The following ARHGEF6 variants were observed in gnomAD, a reference collection of about 807,000 sequenced individuals.
ARHGEF6 encodes the protein rho guanine nucleotide exchange factor 6.
A neutral mutation model predicts 70.3 loss-of-function variants in ARHGEF6; 9 were observed. The observed-to-expected ratio is 0.13, with a 90% CI of 0.08 to 0.22. The LOEUF is 0.22. ARHGEF6 is among the 10% of genes least tolerant of loss of function. The probability of loss-of-function intolerance (pLI) is 1.00; values close to 1 mark genes in which losing one functional copy is unlikely to be tolerated. For synonymous variants in ARHGEF6, 201 were observed against 207.8 expected (o/e 0.97, Z 0.28); for missense variants, 470 against 563.0 (o/e 0.83, Z 1.67).
At chrX:136,671,810 G>A (rs1050515047) in intron 20 of ARHGEF6, among the ~76,000 whole-genome samples, 1 of 112,011 alleles carries the variant, frequency 8.9e-6, no homozygotes, top group Non-Finnish European at 1.9e-5. Flanking sequence ...TGCCTTGGAG[G>A]GCTCTGTCAC....
At chrX:136,708,814 GT>G (rs751674235) in intron 7 of ARHGEF6, 44 bp from the exon 8 acceptor site, 8 of 998,633 alleles carry the variant, frequency 8.0e-6, no homozygotes, top group Non-Finnish European at 7.1e-6. Flanking sequence ...TTGTAGTCTA[GT>G]TGGCTAATAG....
chrX:136,776,054 T>C (rs2077401821), intron 2 of ARHGEF6, among the ~76,000 whole-genome samples: 1 of 111,522 alleles, frequency 9.0e-6, no homozygotes, highest in Non-Finnish European at 1.9e-5. Context: ...CACAAACAAA[T>C]GGAAACACAT....
intron 7 of ARHGEF6, among the ~76,000 whole-genome samples, chrX:136,709,399 G>A (rs2076660969): frequency 8.9e-6 from 1 of 112,281 alleles, no homozygotes; most frequent in Non-Finnish European, 1.9e-5. Flanking sequence ...AATAACAAGA[G>A]TCAACACTCA....
intron 2 of ARHGEF6, among the ~76,000 whole-genome samples, chrX:136,750,345 C>A (rs1347460409): frequency 8.9e-6 from 1 of 112,406 alleles, no homozygotes; most frequent in Non-Finnish European, 1.9e-5. Flanking sequence ...AAGTCATTTT[C>A]AATGAAATTT....
intron 11 of ARHGEF6, among the ~76,000 whole-genome samples, chrX:136,686,592 G>GTA (rs1426495423): frequency 0.024 from 1,403 of 59,574 alleles, 49 homozygotes; most frequent in African/African-American, 0.083. Context: ...GTGTATGTGT[G>GTA]TGTATATATA....
intron 6 of ARHGEF6, among the ~76,000 whole-genome samples, chrX:136,728,813 C>A (rs1218760031): frequency 9.2e-6 from 1 of 109,187 alleles, no homozygotes; most frequent in Non-Finnish European, 1.9e-5. Flanking sequence ...TCTCTGTCTG[C>A]GTATTTGAGC....
At chrX:136,693,638 T>C (rs1190485638) in intron 9 of ARHGEF6, among the ~76,000 whole-genome samples, 1 of 112,172 alleles carries the variant, frequency 8.9e-6, no homozygotes, top group African/African-American at 3.2e-5. Context: ...AACATACATT[T>C]ATTTCATAGA....
chrX:136,748,209 C>A (rs1165404689), intron 2 of ARHGEF6, among the ~76,000 whole-genome samples: 1 of 111,964 alleles, frequency 8.9e-6, no homozygotes, highest in East Asian at 2.8e-4. Context: ...TGCTGTTTGA[C>A]CTTGCCCCTC....
At chrX:136,770,379 A>G (rs749709995) in intron 2 of ARHGEF6, among the ~76,000 whole-genome samples, 25 of 112,481 alleles carry the variant, frequency 2.2e-4, no homozygotes, top group African/African-American at 7.1e-4. Context: ...AAAACAAAAC[A>G]AAACACTTAT....
chrX:136,676,186 T>A (rs2076280483), intron 18 of ARHGEF6, among the ~76,000 whole-genome samples: 1 of 112,205 alleles, frequency 8.9e-6, no homozygotes, highest in African/African-American at 3.2e-5. Context: ...AAACTATGTT[T>A]CTAGATGTGG....
At chrX:136,692,385 C>G (rs1231001078) in intron 9 of ARHGEF6, among the ~76,000 whole-genome samples, 3 of 111,538 alleles carry the variant, frequency 2.7e-5, no homozygotes. Context: ...AACCACCGCA[C>G]CCAGCCTGCT....
At chrX:136,771,325 T>C (rs1207553740) in intron 2 of ARHGEF6, among the ~76,000 whole-genome samples, 4 of 112,498 alleles carry the variant, frequency 3.6e-5, no homozygotes, top group Non-Finnish European at 7.5e-5. Flanking sequence ...GCTGGCCTTT[T>C]TTGTAGAAAT....
intron 18 of ARHGEF6, 102 bp from the exon 19 acceptor site, chrX:136,675,198 T>C: frequency 5.6e-6 from 4 of 717,208 alleles, no homozygotes; most frequent in Admixed American, 2.6e-5. Flanking sequence ...CTCTGACCAG[T>C]AGAGTTTGTG....
At position 136,685,726 on chromosome X, in the gene ARHGEF6, C is replaced by T. The variant is rs1197265475; in HGVS notation, c.1343G>A (p.Gly448Glu). ...AWEGEDIKNL[G>E]NVIFMSQVMV... is the part of the protein sequence containing the mutation. The stretch of plus-strand genomic sequence containing the variant: ...TACTTGTGACATAAAAATCACATTT[C>T]CCAAGTTTTTAATATCTTCTCCTTC... The change falls in exon 12 of 22, where the codon GGA becomes GAA. Residue 448 changes from glycine to glutamate, a missense_variant. Around this residue, in one of 3 missense-constraint regions of ARHGEF6, gnomAD observed 379 missense variants for 449.3 expected, o/e 0.84. Coordinates refer to ENST00000250617, the MANE Select transcript of ARHGEF6 (RefSeq NM_004840.3). 5.8e-6 allele frequency: 7 copies of T among 1,211,028 alleles called. No homozygotes were observed. Among genetic ancestry groups the T allele is most frequent in the Non-Finnish European group, 3.4e-6 (3 of 894,911 alleles).
intron 5 of ARHGEF6, among the ~76,000 whole-genome samples, chrX:136,733,490 T>C (rs1434823034): frequency 3.6e-5 from 4 of 111,761 alleles, no homozygotes; most frequent in Non-Finnish European, 7.5e-5. Flanking sequence ...TCCCATTCTT[T>C]TATGTATGTT....
intron 2 of ARHGEF6, among the ~76,000 whole-genome samples, chrX:136,753,156 A>G (rs2077170248): frequency 8.9e-6 from 1 of 112,279 alleles, no homozygotes; most frequent in East Asian, 2.8e-4. Context: ...TGGCATTTCT[A>G]CTCTGCCTGG....
intron 9 of ARHGEF6, among the ~76,000 whole-genome samples, chrX:136,702,722 T>C (rs1266501537): frequency 9.0e-6 from 1 of 111,643 alleles, no homozygotes; most frequent in Non-Finnish European, 1.9e-5. Flanking sequence ...CAACAGAGTA[T>C]CAAAATACAT....
chrX:136,687,639 TA>T (rs1354036831), intron 11 of ARHGEF6, among the ~76,000 whole-genome samples: 3 of 111,627 alleles, frequency 2.7e-5, no homozygotes, highest in Non-Finnish European at 5.7e-5. Flanking sequence ...GCAATGGGGG[TA>T]AAGACAAAGA....
At chrX:136,670,977 C>T (rs776859955) in intron 20 of ARHGEF6, among the ~76,000 whole-genome samples, 1 of 112,249 alleles carries the variant, frequency 8.9e-6, no homozygotes, top group South Asian at 3.8e-4. Flanking sequence ...GTTTCCTTCT[C>T]ATCCTCTCTT....
Sources: gnomAD v4.1 joint callset for allele counts (sites outside exome capture counted in the v4.1 genomes callset) on GRCh38, gnomAD v4.1.1 for gene constraint, gnomAD v4.1.1 regional missense constraint, MANE v1.5 for transcripts, NCBI Gene and HGNC (gene_info 2026-07-23, HGNC 2026-07-21) for gene names.